The following PGS1 variants were observed in gnomAD, a reference collection of about 807,000 sequenced individuals.
PGS1 encodes the protein CDP-diacylglycerol--glycerol-3-phosphate 3-phosphatidyltransferase, mitochondrial.
Under a neutral mutation model 58.3 loss-of-function variants are expected in PGS1, and 44 were observed. The observed-to-expected ratio is 0.75, with a 90% CI of 0.59 to 0.97. PGS1 has a LOEUF of 0.97. PGS1 is among the 50% of genes least tolerant of loss of function. The pLI, the probability that PGS1 is intolerant of heterozygous loss-of-function variation, is 0.00. For synonymous variants in PGS1, 330 were observed against 311.0 expected (o/e 1.06, Z -0.64); for missense variants, 684 against 731.1 (o/e 0.94, Z 0.74).
chr17:78,419,614 G>A lies in PGS1; in HGVS notation c.1620G>A (p.Gln540=), dbSNP rs1222468993. 6.2e-7 allele frequency: 1 copy of A among 1,614,160 alleles called. No individual in the cohort carries two copies. The highest frequency in any genetic ancestry group is 8.5e-7 in the Non-Finnish European group (1 of 1,180,004). The change falls in exon 9 of 10, where the codon CAG becomes CAA. Residue 540 remains glutamine, a synonymous_variant. Transcript: ENST00000262764. The part of the protein sequence containing the change: ...SSATFEQPSR[Q]VKLWVKMVTP... The stretch of plus-strand genomic sequence containing the variant: ...CCACCTTCGAGCAGCCGAGTCGCCA[G>A]GTGAAGCTGTGGGTGAAGATGGTGA...
At position 78,401,814 on chromosome 17, in the gene PGS1, A is replaced by T. The variant is rs530642006; in HGVS notation, c.880+959A>T. Among the ~76,000 whole-genome samples, 28 of 152,298 alleles carry T rather than the reference A, an allele frequency of 1.8e-4. No homozygotes were observed. The South Asian group carries it at 5.8e-3, about 32-fold the overall frequency. On this transcript the variant is annotated intron_variant, in intron 6 of 9. Transcript: ENST00000262764. ...TCTGTATCTCTCTTGCTGAGTGCCT[A>T]CCTAGCATCCTCAGCTTTGCCTTTT... is the stretch of plus-strand genomic sequence containing the variant.
chr17:78,398,342 G>A lies in PGS1; in HGVS notation c.502G>A (p.Gly168Ser). 1 of 1,612,518 alleles carries A rather than the reference G, an allele frequency of 6.2e-7. No homozygotes were observed. Residue 168 changes from glycine (G) to serine (S), a missense_variant, in exon 4 of 10, where the codon GGC becomes AGC. Physicochemically the swap from Gly to Ser is moderately conservative, Grantham distance 56. Transcript: ENST00000262764. ...CTCCATTCTCTTAGACTTCACGCGG[G>A]GCTCACGAGGTAGGTGGCATGCAAG... Reference protein sequence around the residue: ...KVSILLDFTRGSRGRKNSRTM... With the variant: ...KVSILLDFTRSSRGRKNSRTM...
chr17:78,423,701 T>G, intron 9 of PGS1: 2 of 613,932 alleles, frequency 3.3e-6, no homozygotes, highest in Non-Finnish European at 5.6e-6. Context: ...CACAGCTGAG[T>G]GGCTCCACTG....
rs371455843 is a variant in PGS1, at chr17:78,382,955, C to T, written c.143+4147C>T. Among the ~76,000 whole-genome samples, 213 of 151,946 alleles carry T rather than the reference C, an allele frequency of 1.4e-3. 2 individuals carry two copies. The highest frequency in any genetic ancestry group is 4.8e-3 in the African/African-American group (197 of 41,450). ...CCACCGTGCCCGGCCCACAGAATGG[C>T]CTTGTTACTTGGAGTAGATGAGACC... On this transcript the variant is annotated intron_variant, in intron 1 of 9. Coordinates refer to ENST00000262764, the MANE Select transcript of PGS1 (RefSeq NM_024419.5).
At chr17:78,420,709 G>GTTAT (rs2085649742) in intron 9 of PGS1, 1 of 152,190 alleles carries the variant, frequency 6.6e-6, no homozygotes, top group African/African-American at 2.4e-5. Flanking sequence ...GCTTTTCCTA[G>GTTAT]TTATTTTAAT....
chr17:78,408,472 TATAAA>T (rs1234994812), intron 7 of PGS1, among the ~76,000 whole-genome samples: 1 of 152,204 alleles, frequency 6.6e-6, no homozygotes, highest in Non-Finnish European at 1.5e-5. Flanking sequence ...TTTGACTTTC[TATAAA>T]ATAACCGTAT....
intron 6 of PGS1, among the ~76,000 whole-genome samples, chr17:78,402,443 C>T (rs1427866937): frequency 6.6e-6 from 1 of 150,914 alleles, no homozygotes. Context: ...CACACACACA[C>T]ATATGTATGT....
chr17:78,384,036 T>C (rs1054960006), intron 1 of PGS1, among the ~76,000 whole-genome samples: 3 of 152,174 alleles, frequency 2.0e-5, no homozygotes, highest in African/African-American at 7.2e-5. Flanking sequence ...GAACATGCGA[T>C]TGGTTCTCGT....
intron 1 of PGS1, among the ~76,000 whole-genome samples, chr17:78,390,962 A>G (rs764064565): frequency 5.3e-5 from 8 of 151,230 alleles, no homozygotes; most frequent in Non-Finnish European, 1.0e-4. Flanking sequence ...CTTCTTTGAG[A>G]TGGAGTCTTG....
At chr17:78,410,462 CTTTTTTTTTTTTTTTTTTT>C (rs572547320) in intron 7 of PGS1, among the ~76,000 whole-genome samples, 1 of 73,532 alleles carries the variant, frequency 1.4e-5, no homozygotes, top group Non-Finnish European at 2.4e-5. Flanking sequence ...AACTTCAGAG[CTTTTTTTTTTTTTTTTTTT>C]TTTTTTTTTT....
At chr17:78,378,830 A>C in intron 1 of PGS1, 22 bp downstream of exon 1, 2 of 1,416,252 alleles carry the variant, frequency 1.4e-6, no homozygotes, top group Non-Finnish European at 1.8e-6. Context: ...GGCCGGGATG[A>C]GAGTGCAGCC....
chr17:78,400,786 G>A lies in PGS1; in HGVS notation c.811G>A (p.Asp271Asn). The change falls in exon 6 of 10, where the codon GAT becomes AAT. Residue 271 changes from aspartate to asparagine, a missense_variant. By Grantham distance (23) the Asp-to-Asn change is conservative (BLOSUM62 1). Coordinates refer to ENST00000262764, the MANE Select transcript of PGS1 (RefSeq NM_024419.5). The surrounding 1 kb of genome is among the most constrained non-coding windows in gnomAD (Gnocchi z 4.4). Reference sequence around the variant, plus strand: ...CACGGAGCTGGTGGACGCGGTGGGGGATGTGTCCCTGCAGCTGCAGGGGGA... The same window carrying A: ...CACGGAGCTGGTGGACGCGGTGGGGAATGTGTCCCTGCAGCTGCAGGGGGA... ...FFTELVDAVG[D>N]VSLQLQGDDT... 6.2e-7 allele frequency: 1 copy of A among 1,613,924 alleles called. No homozygotes were observed. Among genetic ancestry groups the A allele is most frequent in the Non-Finnish European group, 8.5e-7 (1 of 1,179,912 alleles).
intron 7 of PGS1, among the ~76,000 whole-genome samples, chr17:78,411,806 C>CA (rs1290268475): frequency 6.6e-6 from 1 of 150,768 alleles, no homozygotes; most frequent in Non-Finnish European, 1.5e-5. Context: ...TGTGTATACA[C>CA]AGCCTGACAT....
Position 78,378,797 on chromosome 17 carries a change from C to T in PGS1, c.132C>T (p.Arg44=). ...LSDRLGRNRD[R]QRRRSPWLLL... ...ACCGCCTCGGCAGGAACCGGGACCG[C>T]CAGCGCAGGAGGTGAGAGGGGCGGC... is the stretch of plus-strand genomic sequence containing the variant. The change falls in exon 1 of 10, where the codon CGC becomes CGT. Residue 44 remains arginine, a synonymous_variant. Coordinates refer to ENST00000262764, the MANE Select transcript of PGS1 (RefSeq NM_024419.5). The T allele has an allele frequency of 6.8e-7, 1 of 1,473,000 alleles. No individual in the cohort carries two copies. 91.2% of individuals were successfully genotyped at this position (1,473,000 alleles called of 1,614,324 possible). A position where few individuals can be genotyped will look rare whatever the true frequency, so the allele number is the denominator to read the frequency against.
intron 1 of PGS1, 148 bp downstream of exon 1, chr17:78,378,956 C>T: frequency 1.1e-6 from 1 of 887,732 alleles, no homozygotes. Context: ...GGGCTCGGCG[C>T]CTGACCTATG....
At chr17:78,412,537 C>T (rs527780563) in intron 7 of PGS1, among the ~76,000 whole-genome samples, 2 of 152,166 alleles carry the variant, frequency 1.3e-5, no homozygotes, top group African/African-American at 2.4e-5. Flanking sequence ...TCTGCCTCAG[C>T]GCTGGCCTCT....
chr17:78,402,635 A>T (rs1244785963), intron 6 of PGS1, among the ~76,000 whole-genome samples: 1 of 152,082 alleles, frequency 6.6e-6, no homozygotes, highest in Non-Finnish European at 1.5e-5. Flanking sequence ...CTTGGTAGAG[A>T]CAGGGTTTCA....
chr17:78,403,228 C>CT (rs1567974582), intron 6 of PGS1, among the ~76,000 whole-genome samples: 2 of 152,024 alleles, frequency 1.3e-5, no homozygotes, highest in African/African-American at 4.8e-5. Context: ...GTATGTCCCC[C>CT]CCAAGGAATT....
At chr17:78,414,524 T>C (rs2085002947) in intron 7 of PGS1, among the ~76,000 whole-genome samples, 1 of 152,052 alleles carries the variant, frequency 6.6e-6, no homozygotes, top group South Asian at 2.1e-4. Flanking sequence ...AGAGGCTCAG[T>C]GGGCAGCTGG....
Sources: allele counts gnomAD v4.1 joint callset (sites outside exome capture counted in the v4.1 genomes callset), GRCh38; gene constraint gnomAD v4.1.1; non-coding constraint Gnocchi (gnomAD v3.1); transcripts MANE v1.5; gene names NCBI Gene and HGNC (gene_info 2026-07-23, HGNC 2026-07-21).